CREB1: variants seen among roughly 807,000 people sequenced by gnomAD.
The protein encoded by CREB1 is cAMP responsive element binding protein 1.
A neutral mutation model predicts 42.0 loss-of-function variants in CREB1; 2 were observed. The ratio of observed to expected loss-of-function variants is 0.05; its 90% confidence interval spans 0.02 to 0.15. The LOEUF is 0.15. Ranked by LOEUF, CREB1 falls within the 10% of genes least tolerant of loss-of-function variation. The pLI is 1.00. For synonymous variants in CREB1, 123 were observed against 139.9 expected (o/e 0.88, Z 0.85); for missense variants, 199 against 388.9 (o/e 0.51, Z 4.11).
chr2:207,605,462 A>G lies in CREB1; in HGVS notation c.*8404A>G, dbSNP rs1036274894. Among the ~76,000 whole-genome samples the G allele has an allele frequency of 3.3e-5, 5 of 152,192 alleles. No individual in the cohort carries two copies. The highest frequency in any genetic ancestry group is 5.9e-5 in the Non-Finnish European group (4 of 68,044). ...CTAGGCCCTTATAATATTTTCGCCT[A>G]TAAGTTTTTGCTTTATAATGTCCTC... is the stretch of plus-strand genomic sequence containing the variant. On this transcript the variant is annotated 3_prime_UTR_variant, in exon 8 of 8. Coordinates refer to ENST00000353267, the MANE Select transcript of CREB1 (RefSeq NM_004379.5).
chr2:207,546,408 A>C (rs1426497067), intron 1 of CREB1, among the ~76,000 whole-genome samples: 1 of 152,182 alleles, frequency 6.6e-6, no homozygotes, highest in East Asian at 1.9e-4. Flanking sequence ...CAACACCAAG[A>C]GTGAACCGTA....
At chr2:207,587,724 T>C (rs2084148531) in intron 7 of CREB1, among the ~76,000 whole-genome samples, 1 of 152,110 alleles carries the variant, frequency 6.6e-6, no homozygotes, top group South Asian at 2.1e-4. Flanking sequence ...TTCTCACTCA[T>C]GTGGGAGCTA....
intron 5 of CREB1, among the ~76,000 whole-genome samples, chr2:207,573,758 C>T (rs892563140): frequency 6.6e-6 from 1 of 152,130 alleles, no homozygotes; most frequent in South Asian, 2.1e-4. Context: ...AAACAAAAAA[C>T]TGTTCAGTGA....
intron 7 of CREB1, among the ~76,000 whole-genome samples, chr2:207,579,355 C>CAG (rs1414356608): frequency 6.6e-6 from 1 of 151,984 alleles, no homozygotes; most frequent in Non-Finnish European, 1.5e-5. Context: ...GAAAAGAGTT[C>CAG]AAAGCAAACA....
intron 1 of CREB1, among the ~76,000 whole-genome samples, chr2:207,540,144 A>G (rs904121863): frequency 6.6e-6 from 1 of 152,148 alleles, no homozygotes. Flanking sequence ...AGTGTAAGCA[A>G]ACCTATTAAG....
chr2:207,540,513 G>A (rs1308127323), intron 1 of CREB1, among the ~76,000 whole-genome samples: 1 of 151,776 alleles, frequency 6.6e-6, no homozygotes, highest in South Asian at 2.1e-4. Context: ...GCTTGGTGGT[G>A]CATGCCTGTA....
At chr2:207,535,287 C>T (rs1203286952) in intron 1 of CREB1, among the ~76,000 whole-genome samples, 3 of 152,168 alleles carry the variant, frequency 2.0e-5, no homozygotes, top group Non-Finnish European at 2.9e-5. Context: ...AGTTAACTCA[C>T]AAGGTGAATT....
rs532565199 is a variant in CREB1, at chr2:207,564,424, C to T, written c.262-3039C>T. Among the ~76,000 whole-genome samples, 4 of 151,940 alleles carry T rather than the reference C, an allele frequency of 2.6e-5. No individual in the cohort carries two copies. In the East Asian group the frequency reaches 5.8e-4, roughly 22 times the overall value. On this transcript the variant is annotated intron_variant, in intron 3 of 7. Coordinates refer to ENST00000353267, the MANE Select transcript of CREB1 (RefSeq NM_004379.5). ...CTCAGGAGGTTGAGTCTGGAGGATC[C>T]CTTGAGCCCATGAGTTTGAGGCTGC...
chr2:207,546,083 T>TA (rs1241130336), intron 1 of CREB1, among the ~76,000 whole-genome samples: 1 of 152,200 alleles, frequency 6.6e-6, no homozygotes, highest in African/African-American at 2.4e-5. Context: ...GTCCAAAGCT[T>TA]AAAAGGAAGA....
At chr2:207,560,435 CT>C in intron 3 of CREB1, 63 bp downstream of exon 3, 6 of 1,490,442 alleles carry the variant, frequency 4.0e-6, no homozygotes, top group Non-Finnish European at 5.5e-6. Flanking sequence ...TATCTCTCTC[CT>C]TTCACTAGTT....
At chr2:207,576,535 T>G (rs2082607179) in intron 6 of CREB1, 1 of 390,792 alleles carries the variant, frequency 2.6e-6, no homozygotes, top group Non-Finnish European at 4.7e-6. Flanking sequence ...AGAGCCCTAA[T>G]GTTTACAGAA....
rs182101766 is a variant in CREB1 at position 207,600,668 on chromosome 2, A to C, written c.*3610A>C. The stretch of plus-strand genomic sequence containing the variant: ...ATTTCATTTGAGCAGGGATTTTGTC[A>C]GAAAATGTGTTTTGATGGTAGGTCA... On this transcript the variant is annotated 3_prime_UTR_variant, in exon 8 of 8. Transcript: ENST00000353267. 1 of 211,270 alleles carries C rather than the reference A, an allele frequency of 4.7e-6. No individual in the cohort carries two copies. Among genetic ancestry groups the C allele is most frequent in the Admixed American group, 5.9e-5 (1 of 17,048 alleles). 13.1% of individuals were successfully genotyped at this position (211,270 alleles called of 1,614,324 possible).
intron 6 of CREB1, 120 bp downstream of exon 6, chr2:207,575,574 T>C (rs1362633152): frequency 3.6e-6 from 3 of 828,784 alleles, no homozygotes; most frequent in Non-Finnish European, 5.5e-6. Flanking sequence ...TAACATTTCT[T>C]CAATATTGAT....
At position 207,603,125 on chromosome 2, in the gene CREB1, T is replaced by C. The variant is rs2087382060; in HGVS notation, c.*6067T>C. ...AACTATAATGAGGGAAATACATTTC[T>C]AATAAAATTCCCTACATTCTAGAAA... On this transcript the variant is annotated 3_prime_UTR_variant, in exon 8 of 8. Transcript: ENST00000353267. 4.7e-6 allele frequency: 1 copy of C among 210,976 alleles called. No homozygotes were observed. The highest frequency in any genetic ancestry group is 1.9e-4 in the South Asian group (1 of 5,348). 13.1% of individuals were successfully genotyped at this position (210,976 alleles called of 1,614,324 possible).
intron 3 of CREB1, 132 bp from the exon 4 acceptor site, chr2:207,567,331 G>A (rs2082177290): frequency 1.8e-6 from 1 of 554,478 alleles, no homozygotes; most frequent in African/African-American, 1.9e-5. Context: ...TGGTGTGGTT[G>A]TCTCCCATAA....
chr2:207,596,787 A>G (rs897488342), intron 7 of CREB1, 127 bp from the exon 8 acceptor site: 15 of 1,079,134 alleles, frequency 1.4e-5, no homozygotes, highest in East Asian at 2.8e-5. Flanking sequence ...ATCTTTTCCA[A>G]TGCTTAATAT....
chr2:207,599,740 A>G lies in CREB1; in HGVS notation c.*2682A>G. The G allele has an allele frequency of 5.1e-6, 1 of 196,068 alleles. No individual in the cohort carries two copies. Among genetic ancestry groups the G allele is most frequent in the East Asian group, 8.0e-5 (1 of 12,532 alleles). 12.1% of individuals were successfully genotyped at this position (196,068 alleles called of 1,614,324 possible). On this transcript the variant is annotated 3_prime_UTR_variant, in exon 8 of 8. Transcript: ENST00000353267. ...GTGGGGAGGTTTGTTTGTAAGCATG[A>G]AACTTTGAGAATCTTTATTAAGAAA...
intron 7 of CREB1, among the ~76,000 whole-genome samples, chr2:207,588,897 G>A (rs2084431038): frequency 6.9e-6 from 1 of 144,088 alleles, no homozygotes; most frequent in South Asian, 2.3e-4. Context: ...GTCGGGGGGG[G>A]TGTAGATTCT....
At chr2:207,530,637 C>T (rs920659429) in intron 1 of CREB1, among the ~76,000 whole-genome samples, 1 of 150,032 alleles carries the variant, frequency 6.7e-6, no homozygotes, top group Admixed American at 6.6e-5. Flanking sequence ...TCCGGGGCAG[C>T]CGCCGCCTAG....
Sources: gnomAD v4.1 joint callset for allele counts (sites outside exome capture counted in the v4.1 genomes callset) on GRCh38, gnomAD v4.1.1 for gene constraint, MANE v1.5 for transcripts, NCBI Gene and HGNC (gene_info 2026-07-23, HGNC 2026-07-21) for gene names.